The following NTM variants were observed in gnomAD, a reference collection of about 807,000 sequenced individuals.
NTM encodes IgLON family member 2.
Under a neutral mutation model 42.1 loss-of-function variants are expected in NTM, and 13 were observed. The observed-to-expected ratio is 0.31, with a 90% CI of 0.20 to 0.49. The LOEUF (loss-of-function observed/expected upper bound fraction) is 0.49, where lower values mean the gene tolerates loss of function less well. Among genes scored for constraint, NTM ranks in the 20% least tolerant of loss-of-function variants. NTM has a pLI of 0.99. For synonymous variants in NTM, 187 were observed against 179.2 expected (o/e 1.04, Z -0.35); for missense variants, 373 against 452.8 (o/e 0.82, Z 1.60).
intron 7 of NTM, among the ~76,000 whole-genome samples, chr11:132,323,456 C>G: frequency 6.6e-6 from 1 of 151,542 alleles, no homozygotes; most frequent in African/African-American, 2.4e-5. Context: ...GACACATACA[C>G]TCTCCCAAGA....
At chr11:131,819,182 A>G (rs950856867) in intron 1 of NTM, among the ~76,000 whole-genome samples, 4 of 152,162 alleles carry the variant, frequency 2.6e-5, no homozygotes, top group Non-Finnish European at 5.9e-5. Flanking sequence ...GAAGACTGTA[A>G]GAGACCCTCT....
At chr11:131,828,952 C>T (rs1372424633) in intron 1 of NTM, among the ~76,000 whole-genome samples, 3 of 151,864 alleles carry the variant, frequency 2.0e-5, no homozygotes, top group South Asian at 2.1e-4. Flanking sequence ...CTCTCTCTCT[C>T]TTCCTCTCCC....
intron 2 of NTM, among the ~76,000 whole-genome samples, chr11:131,938,015 C>T (rs1055945630): frequency 6.6e-6 from 1 of 152,150 alleles, no homozygotes; most frequent in African/African-American, 2.4e-5. Context: ...TTAACTATTA[C>T]CCATCATTTG....
At chr11:132,075,689 A>G (rs889917415) in intron 2 of NTM, among the ~76,000 whole-genome samples, 2 of 152,128 alleles carry the variant, frequency 1.3e-5, no homozygotes, top group East Asian at 1.9e-4. Flanking sequence ...CTGTTTATTC[A>G]TTTTTCTAAA....
chr11:131,452,125 G>A (rs943098211), intron 1 of NTM, among the ~76,000 whole-genome samples: 11 of 152,206 alleles, frequency 7.2e-5, no homozygotes, highest in Admixed American at 6.5e-5. Context: ...GTGGGGGGAG[G>A]GATTGATGCT....
intron 1 of NTM, among the ~76,000 whole-genome samples, chr11:131,812,585 C>T (rs1393249729): frequency 1.3e-5 from 2 of 151,932 alleles, no homozygotes; most frequent in African/African-American, 4.8e-5. Context: ...ACTAGGGATG[C>T]CGAGAAGGAA....
intron 1 of NTM, among the ~76,000 whole-genome samples, chr11:131,731,798 C>G (rs1273091837): frequency 6.6e-6 from 1 of 152,210 alleles, no homozygotes; most frequent in Non-Finnish European, 1.5e-5. Flanking sequence ...CTCCTCAGCG[C>G]AGTCTCAGAG....
chr11:132,135,674 T>G (rs1318519689), intron 2 of NTM, among the ~76,000 whole-genome samples: 4 of 151,730 alleles, frequency 2.6e-5, no homozygotes, highest in Non-Finnish European at 4.4e-5. Context: ...TCTGTGGAGG[T>G]GGGGGTGCAA....
intron 1 of NTM, among the ~76,000 whole-genome samples, chr11:131,546,454 C>A (rs899382131): frequency 1.3e-5 from 2 of 152,198 alleles, no homozygotes; most frequent in East Asian, 3.9e-4. Flanking sequence ...TTCTGCACAG[C>A]AGGGATTTCT....
Position 131,633,656 on chromosome 11 carries a change from CCT to C in NTM, c.82+262776_82+262777del, listed in dbSNP as rs1312898372. The stretch of plus-strand genomic sequence containing the variant: ...CTCTGCCTCTCTCTCCCTCTCTCTC[CCT>C]CTCTCTCCCTCTCTCCCTCCCTCTC... On this transcript the variant is annotated intron_variant, in intron 1 of 8. Transcript: ENST00000683400. 5.4e-5 allele frequency among the ~76,000 whole-genome samples: 4 copies of C among 74,742 alleles called. 1 individual carries two copies. The highest frequency in any genetic ancestry group is 1.0e-4 in the African/African-American group (2 of 19,914). 49.0% of individuals were successfully genotyped at this position (74,742 alleles called of 152,430 possible).
intron 1 of NTM, among the ~76,000 whole-genome samples, chr11:131,644,449 A>T (rs542141074): frequency 6.6e-6 from 1 of 152,192 alleles, no homozygotes; most frequent in Non-Finnish European, 1.5e-5. Context: ...TAGTCCCATC[A>T]GTCCAGTCTC....
intron 2 of NTM, among the ~76,000 whole-genome samples, chr11:132,095,183 G>A (rs1035754384): frequency 6.6e-6 from 1 of 152,210 alleles, no homozygotes; most frequent in Admixed American, 6.5e-5. Flanking sequence ...GCTGTCTGCA[G>A]ATCTGAGGAT....
intron 2 of NTM, among the ~76,000 whole-genome samples, chr11:132,018,494 G>A (rs1157884293): frequency 6.6e-6 from 1 of 151,716 alleles, no homozygotes; most frequent in Non-Finnish European, 1.5e-5. Flanking sequence ...ATGATCATGT[G>A]GCTTTAAAAA....
At chr11:132,331,821 G>A (rs2095805428) in intron 8 of NTM, among the ~76,000 whole-genome samples, 1 of 152,202 alleles carries the variant, frequency 6.6e-6, no homozygotes, top group Non-Finnish European at 1.5e-5. Flanking sequence ...AGTGATATGG[G>A]TGAGACATAT....
At chr11:131,615,415 G>C (rs963486228) in intron 1 of NTM, among the ~76,000 whole-genome samples, 2 of 152,048 alleles carry the variant, frequency 1.3e-5, no homozygotes. Context: ...ACCCAGGCTG[G>C]AGTGCAGTGG....
intron 2 of NTM, among the ~76,000 whole-genome samples, chr11:132,004,415 T>C (rs1449797452): frequency 6.6e-6 from 1 of 152,172 alleles, no homozygotes; most frequent in Non-Finnish European, 1.5e-5. Flanking sequence ...CCTGTGCAAA[T>C]GCATTTTCCT....
intron 1 of NTM, among the ~76,000 whole-genome samples, chr11:131,701,661 TC>T (rs2135179244): frequency 6.6e-6 from 1 of 152,262 alleles, no homozygotes; most frequent in South Asian, 2.1e-4. Context: ...AACCTTACCA[TC>T]CTCATTACAG....
At chr11:131,611,943 C>T (rs2061497913) in intron 1 of NTM, among the ~76,000 whole-genome samples, 1 of 152,212 alleles carries the variant, frequency 6.6e-6, no homozygotes, top group African/African-American at 2.4e-5. Context: ...CAGGGACCCT[C>T]ACCTCCTGGT....
chr11:131,729,027 T>C (rs1366724049), intron 1 of NTM, among the ~76,000 whole-genome samples: 2 of 152,232 alleles, frequency 1.3e-5, no homozygotes, highest in Admixed American at 6.5e-5. Context: ...ATACAGTGTG[T>C]AATGATAAGA....
Sources: gnomAD v4.1 joint callset for allele counts (sites outside exome capture counted in the v4.1 genomes callset) on GRCh38, gnomAD v4.1.1 for gene constraint, MANE v1.5 for transcripts, NCBI Gene and HGNC (gene_info 2026-07-23, HGNC 2026-07-21) for gene names.